The following ANKRD7 variants were observed in gnomAD, a reference collection of about 807,000 sequenced individuals.
The protein encoded by ANKRD7 is ankyrin repeat domain-containing protein 7.
Under a neutral mutation model 30.8 loss-of-function variants are expected in ANKRD7, and 30 were observed. The ratio of observed to expected loss-of-function variants is 0.97; its 90% CI spans 0.73 to 1.32. The LOEUF is 1.32. Ranked by LOEUF, ANKRD7 falls within the 40% of genes most tolerant of loss-of-function variation. The pLI is 0.00. For synonymous variants in ANKRD7, 97 were observed against 106.6 expected (o/e 0.91, Z 0.55); for missense variants, 264 against 295.7 (o/e 0.89, Z 0.79).
chr7:118,234,550 G>T lies in ANKRD7; in HGVS notation c.294+5G>T, dbSNP rs1809694627. The T allele has an allele frequency of 6.3e-7, 1 of 1,591,306 alleles. No individual in the cohort carries two copies. The highest frequency in any genetic ancestry group is 1.8e-5 in the Admixed American group (1 of 54,652). ...AACAAATCCCCATTGATTAAGGTAT[G>T]CCATAGTTTTTCTTTTTCAATTGGA... is the stretch of plus-strand genomic sequence containing the variant. On this transcript the variant is annotated splice_donor_5th_base_variant and intron_variant, in intron 2 of 6. Transcript: ENST00000265224.
chr7:118,235,305 G>A (rs538621684), intron 3 of ANKRD7, among the ~76,000 whole-genome samples: 42 of 152,134 alleles, frequency 2.8e-4, no homozygotes, highest in African/African-American at 8.7e-4. Flanking sequence ...ATGAATAGCC[G>A]ATGAATTTTT....
At chr7:118,232,720 T>TTGTGTGTG (rs3061652) in intron 1 of ANKRD7, among the ~76,000 whole-genome samples, 11 of 145,922 alleles carry the variant, frequency 7.5e-5, no homozygotes, top group Admixed American at 5.6e-4. Flanking sequence ...AGCAGTGTGT[T>TTGTGTGTG]TGTGTGTGTG....
chr7:118,233,154 T>C (rs750770388), intron 1 of ANKRD7, among the ~76,000 whole-genome samples: 13 of 152,156 alleles, frequency 8.5e-5, no homozygotes, highest in Non-Finnish European at 1.3e-4. Flanking sequence ...GAGGGAAACA[T>C]AATTTAGACC....
chr7:118,241,556 T>TTTTTC (rs1554369225), intron 6 of ANKRD7, among the ~76,000 whole-genome samples: 1 of 136,010 alleles, frequency 7.4e-6, no homozygotes. Context: ...TTTTCTGTTT[T>TTTTTC]TGAGGTGGAG....
intron 5 of ANKRD7, 112 bp downstream of exon 5, chr7:118,237,038 T>A (rs1016544688): frequency 9.0e-7 from 1 of 1,110,382 alleles, no homozygotes; most frequent in Non-Finnish European, 1.3e-6. Flanking sequence ...GGTAACCACA[T>A]ACAAATCTGT....
chr7:118,233,902 T>C (rs1809682291), intron 1 of ANKRD7, among the ~76,000 whole-genome samples: 1 of 152,138 alleles, frequency 6.6e-6, no homozygotes, highest in East Asian at 1.9e-4. Context: ...AAGTAGAAAT[T>C]AGTGTAATAA....
intron 1 of ANKRD7, among the ~76,000 whole-genome samples, chr7:118,226,611 A>G (rs956332722): frequency 6.6e-6 from 1 of 152,216 alleles, no homozygotes; most frequent in Non-Finnish European, 1.5e-5. Context: ...AAAGTTCTTC[A>G]TCCTGTTTTC....
chr7:118,225,483 T>C (rs923753845), intron 1 of ANKRD7, among the ~76,000 whole-genome samples: 9 of 143,838 alleles, frequency 6.3e-5, no homozygotes, highest in South Asian at 4.3e-4. Flanking sequence ...GCAAGACTCA[T>C]CTCAAAAAAA....
chr7:118,239,207 G>A (rs543347888), intron 5 of ANKRD7, among the ~76,000 whole-genome samples: 3 of 152,312 alleles, frequency 2.0e-5, no homozygotes, highest in South Asian at 2.1e-4. Flanking sequence ...AAGCAATGCC[G>A]CCTGAGCTCC....
chr7:118,236,173 A>T (rs372500783), intron 4 of ANKRD7, 26 bp downstream of exon 4: 135 of 1,375,548 alleles, frequency 9.8e-5, no homozygotes, highest in Non-Finnish European at 1.3e-4. Flanking sequence ...AAGATAGCAC[A>T]TAACTAAAGC....
intron 5 of ANKRD7, among the ~76,000 whole-genome samples, chr7:118,239,351 A>G (rs779725608): frequency 6.6e-6 from 1 of 152,230 alleles, no homozygotes; most frequent in Non-Finnish European, 1.5e-5. Context: ...CAGGTGGAAC[A>G]GTTTCATCCT....
In ANKRD7 at chr7:118,235,184, T is replaced by C. The variant is rs567851921; in HGVS notation, c.468+310T>C. ...TATAACTGGGTATTGATAAAAATCA[T>C]AAAACCCACCTTTTTTCTATTTTAT... is the stretch of plus-strand genomic sequence containing the variant. On this transcript the variant is annotated intron_variant, in intron 3 of 6. Coordinates refer to ENST00000265224, the MANE Select transcript of ANKRD7 (RefSeq NM_019644.4). Among the ~76,000 whole-genome samples, 12 of 152,304 alleles carry C rather than the reference T, an allele frequency of 7.9e-5. No homozygotes were observed. The South Asian group carries it at 2.5e-3, about 32-fold the overall frequency.
chr7:118,227,990 A>C, intron 1 of ANKRD7: 2 of 1,316,766 alleles, frequency 1.5e-6, no homozygotes, highest in Non-Finnish European at 2.0e-6. Context: ...TGACTTTATA[A>C]GGTAATCGAT....
intron 1 of ANKRD7, 68 bp from the exon 2 acceptor site, chr7:118,234,363 T>G (rs1046009449): frequency 9.9e-6 from 10 of 1,010,950 alleles, no homozygotes; most frequent in South Asian, 5.2e-5. Flanking sequence ...GGCTTGTTTT[T>G]GGGTAAAACA....
intron 1 of ANKRD7, among the ~76,000 whole-genome samples, chr7:118,226,513 A>T (rs1809544265): frequency 6.6e-6 from 1 of 152,246 alleles, no homozygotes; most frequent in African/African-American, 2.4e-5. Flanking sequence ...ATATTCTTAC[A>T]ATAAAGTTAG....
intron 1 of ANKRD7, among the ~76,000 whole-genome samples, chr7:118,230,633 CGTGT>C (rs530818411): frequency 6.1e-5 from 9 of 148,070 alleles, no homozygotes; most frequent in African/African-American, 2.0e-4. Context: ...TCTGTTTGAA[CGTGT>C]GTGTGTGTGT....
intron 1 of ANKRD7, 30 bp from the exon 2 acceptor site, chr7:118,234,401 C>A: frequency 6.8e-7 from 1 of 1,469,508 alleles, no homozygotes; most frequent in Non-Finnish European, 9.3e-7. Flanking sequence ...AGACTTATCT[C>A]TAACTTTGTG....
chr7:118,242,311 C>T (rs1056887810), intron 6 of ANKRD7, 38 bp from the exon 7 acceptor site: 5 of 152,092 alleles, frequency 3.3e-5, no homozygotes, highest in East Asian at 1.9e-4. Flanking sequence ...AATATTTGGA[C>T]GTAAGTGAAG....
intron 1 of ANKRD7, among the ~76,000 whole-genome samples, chr7:118,226,262 A>ATG (rs1809539062): frequency 6.6e-6 from 1 of 152,148 alleles, no homozygotes; most frequent in African/African-American, 2.4e-5. Flanking sequence ...AGGCATTTGA[A>ATG]CTCGCTGTTT....
Sources: gnomAD v4.1 joint callset for allele counts (sites outside exome capture counted in the v4.1 genomes callset) on GRCh38, gnomAD v4.1.1 for gene constraint, MANE v1.5 for transcripts, NCBI Gene and HGNC (gene_info 2026-07-23, HGNC 2026-07-21) for gene names.